Variants in WDR90 observed in about 807,000 individuals in gnomAD.
WDR90 encodes WD repeat domain 90.
A neutral mutation model predicts 195.2 loss-of-function variants in WDR90; 238 were observed. The observed-to-expected ratio is 1.22, with a 90% CI of 1.10 to 1.36. The LOEUF is 1.36. Ranked by LOEUF, WDR90 falls within the 40% of genes most tolerant of loss-of-function variation. WDR90 has a pLI of 0.00. For missense variants in WDR90, 2,734 were observed against 2,439.5 expected (o/e 1.12, Z -2.54); for synonymous variants, 1,265 against 1,052.4 (o/e 1.20, Z -3.91).
At chr16:659,549 C>T (rs1369338883) in intron 26 of WDR90, among the ~76,000 whole-genome samples, 173 bp downstream of exon 26, 1 of 152,032 alleles carries the variant, frequency 6.6e-6, no homozygotes, top group African/African-American at 2.4e-5. Flanking sequence ...TCCTCCTTAG[C>T]CTCATCAGGT....
chr16:649,587 A>C, intron 1 of WDR90, 161 bp downstream of exon 1: 1 of 1,163,498 alleles, frequency 8.6e-7, no homozygotes, highest in Non-Finnish European at 1.1e-6. Context: ...GGGCTCCCGG[A>C]GCTTGGCTTC....
intron 15 of WDR90, 42 bp downstream of exon 15, chr16:655,510 G>A: frequency 6.5e-7 from 1 of 1,539,722 alleles, no homozygotes; most frequent in Non-Finnish European, 8.8e-7. Flanking sequence ...CGGCATGGGG[G>A]CCCTGGTGCC....
Position 666,586 on chromosome 16 carries a change from T to G in WDR90, c.4872T>G (p.Pro1624=), listed in dbSNP as rs147223287. The change falls in exon 38 of 41, where the codon CCT becomes CCG. Residue 1624 remains proline, a synonymous_variant. Coordinates refer to ENST00000293879, the MANE Select transcript of WDR90 (RefSeq NM_145294.5). The part of the protein sequence containing the change: ...ELVDWLSFPM[P]ATTETQGHLP... The stretch of plus-strand genomic sequence containing the variant: ...TGGACTGGTTGAGTTTCCCAATGCC[T>G]GCCACCACGGAGGTAAACCATGCTC... 181 of 1,612,574 alleles carry G rather than the reference T, an allele frequency of 1.1e-4. No homozygotes were observed. In the African/African-American group the frequency reaches 2.2e-3, roughly 19 times the overall value.
intron 40 of WDR90, among the ~76,000 whole-genome samples, 183 bp from the exon 41 acceptor site, chr16:667,249 G>C (rs530603210): frequency 3.3e-4 from 50 of 152,324 alleles, no homozygotes; most frequent in African/African-American, 1.1e-3. Flanking sequence ...GCTGCAGGCC[G>C]ACAGCCTGGC....
At chr16:649,109 G>A, upstream of WDR90, 2 of 341,816 alleles carry the variant, frequency 5.9e-6, no homozygotes, top group Non-Finnish European at 1.1e-5. Context: ...CGGCCGAGGC[G>A]CTGACAGGTG....
intron 26 of WDR90, 42 bp downstream of exon 26, chr16:659,418 T>G: frequency 6.4e-7 from 1 of 1,574,634 alleles, no homozygotes; most frequent in South Asian, 1.2e-5. Context: ...GATTCGGGGG[T>G]CTGAGAGGGC....
At chr16:657,499 C>A in intron 20 of WDR90, 1 of 704,236 alleles carries the variant, frequency 1.4e-6, no homozygotes, top group Non-Finnish European at 2.3e-6. Flanking sequence ...CAGGCATGGG[C>A]ACCTGCCCTG....
intron 13 of WDR90, 141 bp downstream of exon 13, chr16:653,944 C>G: frequency 9.4e-7 from 1 of 1,066,150 alleles, no homozygotes; most frequent in Middle Eastern, 2.1e-4. Context: ...GGGCTCCCTG[C>G]ACTCTGGTGT....
chr16:665,521 G>A, intron 34 of WDR90, 158 bp from the exon 35 acceptor site: 1 of 1,150,654 alleles, frequency 8.7e-7, no homozygotes, highest in Non-Finnish European at 1.3e-6. Context: ...ACACACGGGG[G>A]CCGGCATTGC....
At chr16:661,855 C>T in intron 31 of WDR90, 36 bp from the exon 32 acceptor site, 1 of 1,593,670 alleles carries the variant, frequency 6.3e-7, no homozygotes, top group Non-Finnish European at 8.6e-7. Flanking sequence ...GGCCCCGGGA[C>T]ACTGCTGACC....
At chr16:654,427 A>G (rs1230775251) in intron 13 of WDR90, 2 of 142,984 alleles carry the variant, frequency 1.4e-5, no homozygotes, top group Admixed American at 1.4e-4. Context: ...GTCGCCCAGG[A>G]TGGAGTGCAG....
intron 26 of WDR90, 91 bp from the exon 27 acceptor site, chr16:659,967 C>T (rs2037859062): frequency 2.0e-6 from 2 of 999,132 alleles, no homozygotes; most frequent in Non-Finnish European, 2.9e-6. Context: ...GTGTGGTAGA[C>T]CAGGGGCTTG....
At position 661,794 on chromosome 16, in the gene WDR90, C is replaced by A. The variant is rs2037922074; in HGVS notation, c.3864+7C>A. The A allele has an allele frequency of 1.9e-6, 3 of 1,593,434 alleles. No individual in the cohort carries two copies. The highest frequency in any genetic ancestry group is 2.6e-6 in the Non-Finnish European group (3 of 1,167,728). On this transcript the variant is annotated splice_region_variant and intron_variant, in intron 31 of 40. Coordinates refer to ENST00000293879, the MANE Select transcript of WDR90 (RefSeq NM_145294.5). ...GGCAGACATCAGCCTTCAGGTGCCA[C>A]CCGTTCAGCGTTTGGGCCCAGGGGT...
In WDR90 at chr16:649,403, C is replaced by A; in HGVS notation, c.-14C>A. 1 of 1,315,240 alleles carries A rather than the reference C, an allele frequency of 7.6e-7. No homozygotes were observed. Among genetic ancestry groups the A allele is most frequent in the South Asian group, 2.1e-5 (1 of 47,616 alleles). 81.5% of individuals were successfully genotyped at this position (1,315,240 alleles called of 1,614,324 possible). On this transcript the variant is annotated 5_prime_UTR_variant, in exon 1 of 41. Coordinates refer to ENST00000293879, the MANE Select transcript of WDR90 (RefSeq NM_145294.5). ...CGCGCGGAGGCCTAGGCGGGAAGCT[C>A]GAGCGGCGGCGCCATGGCCCGAGGT...
chr16:662,217 T>C lies in WDR90; in HGVS notation c.4034-3T>C, dbSNP rs777267348. The stretch of plus-strand genomic sequence containing the variant: ...GGCCCCTTATGGCTCCTCCTGCCCC[T>C]AGGGCTGTTGCTGTTCTCGGGTTCT... On this transcript the variant is annotated splice_polypyrimidine_tract_variant and splice_region_variant and intron_variant, in intron 32 of 40. Coordinates refer to ENST00000293879, the MANE Select transcript of WDR90 (RefSeq NM_145294.5). 6 of 1,559,468 alleles carry C rather than the reference T, an allele frequency of 3.8e-6. No homozygotes were observed. Among genetic ancestry groups the C allele is most frequent in the Non-Finnish European group, 5.2e-6 (6 of 1,153,234 alleles).
At chr16:659,865 T>C (rs879407918) in intron 26 of WDR90, among the ~76,000 whole-genome samples, 193 bp from the exon 27 acceptor site, 5 of 152,002 alleles carry the variant, frequency 3.3e-5, no homozygotes, top group Non-Finnish European at 5.9e-5. Context: ...GGTCGGTGAG[T>C]CCCCCGTGTG....
intron 1 of WDR90, 103 bp from the exon 2 acceptor site, chr16:649,660 G>A: frequency 8.1e-7 from 1 of 1,228,862 alleles, no homozygotes; most frequent in Non-Finnish European, 1.1e-6. Context: ...GGAAGGCGCG[G>A]AGAGCCCCGG....
At chr16:663,339 GAGA>G (rs1273829615) in intron 34 of WDR90, 1 of 302,282 alleles carries the variant, frequency 3.3e-6, no homozygotes, top group Non-Finnish European at 6.4e-6. Context: ...TCTGGAGGCT[GAGA>G]CAAGAGAATC....
intron 40 of WDR90, 147 bp downstream of exon 40, chr16:667,136 C>G: frequency 1.1e-6 from 1 of 932,152 alleles, no homozygotes; most frequent in Non-Finnish European, 1.6e-6. Flanking sequence ...AGAGAGGGTC[C>G]TGGAGTCAGG....
Sources: allele counts gnomAD v4.1 joint callset (sites outside exome capture counted in the v4.1 genomes callset), GRCh38; gene constraint gnomAD v4.1.1; transcripts MANE v1.5; gene names NCBI Gene and HGNC (gene_info 2026-07-23, HGNC 2026-07-21).